CRPPA: variants seen among roughly 807,000 people sequenced by gnomAD.
CRPPA encodes CDP-L-ribitol pyrophosphorylase A.
CRPPA carries 43 observed loss-of-function variants against 52.0 expected under a neutral mutation model. The ratio of observed to expected loss-of-function variants is 0.83; its 90% CI spans 0.65 to 1.07. The LOEUF is 1.07. Ranked by LOEUF, CRPPA falls within the 50% of genes least tolerant of loss-of-function variation. The pLI is 0.00. For synonymous variants in CRPPA, 250 were observed against 203.5 expected, an observed-to-expected ratio of 1.23 and a Z score of -1.94; for missense variants, 629 against 551.7, an observed-to-expected ratio of 1.14 and a Z score of -1.40.
chr7:16,347,345 A>T (rs1388049531), intron 3 of CRPPA, among the ~76,000 whole-genome samples: 3 of 152,140 alleles, frequency 2.0e-5, no homozygotes, highest in Non-Finnish European at 4.4e-5. Flanking sequence ...ATCAGTAAGT[A>T]TATCTTTGTC....
intron 8 of CRPPA, among the ~76,000 whole-genome samples, chr7:16,231,757 G>A (rs931131565): frequency 3.3e-5 from 5 of 152,194 alleles, no homozygotes; most frequent in Non-Finnish European, 1.5e-5. Context: ...GGGAGTACTA[G>A]GGATGAAATT....
At chr7:16,365,540 T>C (rs532420796) in intron 3 of CRPPA, among the ~76,000 whole-genome samples, 2 of 152,226 alleles carry the variant, frequency 1.3e-5, no homozygotes, top group East Asian at 3.9e-4. Context: ...GAAATAAATC[T>C]ACATAAAGCA....
chr7:16,328,917 A>G (rs919111245), intron 3 of CRPPA, among the ~76,000 whole-genome samples: 2 of 152,200 alleles, frequency 1.3e-5, no homozygotes, highest in Middle Eastern at 3.2e-3. Context: ...ATCAAATAAC[A>G]GCACACAGTT....
At chr7:16,221,760 C>A (rs983230807) in intron 8 of CRPPA, among the ~76,000 whole-genome samples, 55 of 151,886 alleles carry the variant, frequency 3.6e-4, no homozygotes, top group African/African-American at 1.2e-3. Context: ...CATCTCACAC[C>A]AGTTAGAATG....
At chr7:16,098,730 A>T (rs1781980405) in intron 9 of CRPPA, among the ~76,000 whole-genome samples, 1 of 152,200 alleles carries the variant, frequency 6.6e-6, no homozygotes, top group South Asian at 2.1e-4. Context: ...TTCTTTTTGT[A>T]AACATTTTGC....
chr7:16,112,709 G>C (rs1394413722), intron 9 of CRPPA, among the ~76,000 whole-genome samples: 1 of 152,076 alleles, frequency 6.6e-6, no homozygotes, highest in Non-Finnish European at 1.5e-5. Context: ...TTCTTGGTAG[G>C]GGGGAACTGT....
Position 16,154,790 on chromosome 7 carries a change from G to A in CRPPA, c.1251+61276C>T, listed in dbSNP as rs376839728. On this transcript the variant is annotated intron_variant, in intron 9 of 9. Coordinates refer to ENST00000407010, the MANE Select transcript of CRPPA (RefSeq NM_001101426.4). ...CAATCTTCAAAGTTTGACAAATATC[G>A]TCAATATTCAAGATGGGTCTTTTTT... 5.4e-5 allele frequency among the ~76,000 whole-genome samples: 8 copies of A among 148,390 alleles called. No individual in the cohort carries two copies. In the East Asian group the frequency reaches 7.9e-4, roughly 15 times the overall value.
At chr7:16,238,719 G>C (rs1158698159) in intron 8 of CRPPA, among the ~76,000 whole-genome samples, 1 of 152,156 alleles carries the variant, frequency 6.6e-6, no homozygotes, top group Non-Finnish European at 1.5e-5. Context: ...CCTGATTCAT[G>C]TTTAACATGA....
At chr7:16,138,865 G>A (rs565825292) in intron 9 of CRPPA, among the ~76,000 whole-genome samples, 1 of 152,208 alleles carries the variant, frequency 6.6e-6, no homozygotes, top group African/African-American at 2.4e-5. Flanking sequence ...GCAATGGCAC[G>A]ATCTCGGCTC....
At chr7:16,242,240 C>T (rs988938819) in intron 8 of CRPPA, among the ~76,000 whole-genome samples, 2 of 152,146 alleles carry the variant, frequency 1.3e-5, no homozygotes, top group South Asian at 2.1e-4. Flanking sequence ...AGGCTTGAGA[C>T]ACCGCGCCCA....
chr7:16,355,867 A>G (rs1786281484), intron 3 of CRPPA, among the ~76,000 whole-genome samples: 1 of 152,206 alleles, frequency 6.6e-6, no homozygotes, highest in Admixed American at 6.5e-5. Flanking sequence ...GATGGTTCTC[A>G]TTCATTATTA....
chr7:16,159,281 G>A (rs1409451911), intron 9 of CRPPA, among the ~76,000 whole-genome samples: 2 of 152,172 alleles, frequency 1.3e-5, no homozygotes, highest in Non-Finnish European at 2.9e-5. Context: ...GCCCTGGTGT[G>A]TGATGTTCCC....
intron 6 of CRPPA, among the ~76,000 whole-genome samples, chr7:16,264,062 C>A (rs1467662811): frequency 6.6e-6 from 1 of 152,110 alleles, no homozygotes; most frequent in Non-Finnish European, 1.5e-5. Context: ...AGTCATACTG[C>A]TTTCCTCCCA....
chr7:16,152,416 C>T (rs1783093485), intron 9 of CRPPA, among the ~76,000 whole-genome samples: 1 of 151,966 alleles, frequency 6.6e-6, no homozygotes, highest in South Asian at 2.1e-4. Context: ...ACGGTAACTA[C>T]CCCCCAGTGA....
chr7:16,403,602 G>A (rs1787883324), intron 2 of CRPPA, among the ~76,000 whole-genome samples: 1 of 152,056 alleles, frequency 6.6e-6, no homozygotes. Flanking sequence ...GACAACAAAA[G>A]GCAATGAGTT....
chr7:16,091,846 C>T, intron 9 of CRPPA, 47 bp from the exon 10 acceptor site: 1 of 1,155,460 alleles, frequency 8.7e-7, no homozygotes, highest in Non-Finnish European at 1.2e-6. Context: ...AAACATATGC[C>T]ATGTGTTAAG....
At chr7:16,213,477 G>A (rs34049441) in intron 9 of CRPPA, among the ~76,000 whole-genome samples, 30,903 of 151,644 alleles carry the variant, frequency 0.2, 3,873 homozygotes, top group South Asian at 0.42. Flanking sequence ...GGCCAGGCGC[G>A]GTGGCTCACA....
chr7:16,366,353 C>T (rs1353909258), intron 3 of CRPPA, among the ~76,000 whole-genome samples: 1 of 152,144 alleles, frequency 6.6e-6, no homozygotes, highest in Non-Finnish European at 1.5e-5. Context: ...AAAGCTGCAT[C>T]CTCACTAGCA....
At chr7:16,128,506 A>ATTCAGAG (rs1782622773) in intron 9 of CRPPA, among the ~76,000 whole-genome samples, 1 of 152,168 alleles carries the variant, frequency 6.6e-6, no homozygotes, top group Non-Finnish European at 1.5e-5. Context: ...TAAGAAGAAC[A>ATTCAGAG]TTCAGAGAAC....
Sources: gnomAD v4.1 joint callset for allele counts (sites outside exome capture counted in the v4.1 genomes callset) on GRCh38, gnomAD v4.1.1 for gene constraint, MANE v1.5 for transcripts, NCBI Gene and HGNC (gene_info 2026-07-23, HGNC 2026-07-21) for gene names.